Variants in PTPRG observed in about 807,000 individuals in gnomAD.
PTPRG encodes the protein receptor-type tyrosine-protein phosphatase gamma.
In PTPRG, 102 loss-of-function variants were observed where a neutral mutation model predicts 165.3. That is an observed-to-expected ratio of 0.62 (90% CI 0.53 to 0.73). PTPRG has a LOEUF of 0.73. Ranked by LOEUF, PTPRG falls within the 30% of genes least tolerant of loss-of-function variation. PTPRG has a pLI of 0.00. For synonymous variants in PTPRG, 675 were observed against 669.5 expected, an observed-to-expected ratio of 1.01 and a Z score of -0.13; for missense variants, 1,866 against 1,861.4, an observed-to-expected ratio of 1.00 and a Z score of -0.05.
chr3:62,207,184 T>C (rs1329362656), intron 12 of PTPRG, among the ~76,000 whole-genome samples: 3 of 152,206 alleles, frequency 2.0e-5, no homozygotes, highest in Admixed American at 6.5e-5. Flanking sequence ...GCTACTTAAT[T>C]CTGCCTTGTA....
At chr3:62,257,351 A>C in intron 16 of PTPRG, among the ~76,000 whole-genome samples, 1 of 152,324 alleles carries the variant, frequency 6.6e-6, no homozygotes, top group Non-Finnish European at 1.5e-5. Context: ...GGACAGAAAA[A>C]GATTTTGTGT....
intron 2 of PTPRG, among the ~76,000 whole-genome samples, chr3:61,894,838 T>G (rs187415072): frequency 5.9e-5 from 9 of 152,112 alleles, no homozygotes; most frequent in African/African-American, 2.2e-4. Flanking sequence ...TAATCTTGCT[T>G]TTATTTTTTT....
At chr3:61,792,664 TG>T (rs1444305017) in intron 2 of PTPRG, among the ~76,000 whole-genome samples, 1 of 151,180 alleles carries the variant, frequency 6.6e-6, no homozygotes, top group Non-Finnish European at 1.5e-5. Flanking sequence ...AACTTTTTTG[TG>T]GGTTTTCTTT....
intron 4 of PTPRG, among the ~76,000 whole-genome samples, chr3:62,068,497 G>A (rs1701095799): frequency 6.6e-6 from 1 of 152,100 alleles, no homozygotes; most frequent in African/African-American, 2.4e-5. Flanking sequence ...TTTAATTGAA[G>A]CAGAGTCTCA....
At chr3:62,274,550 A>T (rs1467320155) in intron 23 of PTPRG, among the ~76,000 whole-genome samples, 1 of 152,128 alleles carries the variant, frequency 6.6e-6, no homozygotes, top group Non-Finnish European at 1.5e-5. Flanking sequence ...TATTTTGCAC[A>T]TTGTTCTGTA....
chr3:61,936,088 T>C (rs182303190), intron 2 of PTPRG, among the ~76,000 whole-genome samples: 41 of 152,340 alleles, frequency 2.7e-4, no homozygotes, highest in East Asian at 1.9e-4. Context: ...GTTCCTCTTC[T>C]CTGGAGATTG....
intron 1 of PTPRG, among the ~76,000 whole-genome samples, chr3:61,570,558 G>A (rs756195767): frequency 6.6e-6 from 1 of 152,154 alleles, no homozygotes; most frequent in African/African-American, 2.4e-5. Context: ...ATTCATACTA[G>A]TTACAATATA....
intron 4 of PTPRG, among the ~76,000 whole-genome samples, chr3:62,028,498 G>C (rs1384914601): frequency 6.6e-6 from 1 of 152,132 alleles, no homozygotes; most frequent in African/African-American, 2.4e-5. Flanking sequence ...GAATGCTGAG[G>C]TATTACGATT....
intron 1 of PTPRG, among the ~76,000 whole-genome samples, chr3:61,577,812 A>C (rs1700200858): frequency 6.6e-6 from 1 of 152,104 alleles, no homozygotes; most frequent in African/African-American, 2.4e-5. Context: ...TACCCCTTCA[A>C]AATGTAGGGC....
chr3:61,564,879 C>T (rs895916266), intron 1 of PTPRG, among the ~76,000 whole-genome samples: 1 of 152,244 alleles, frequency 6.6e-6, no homozygotes, highest in African/African-American at 2.4e-5. Context: ...CCTGGCGATG[C>T]TGCTCCTGGC....
At chr3:61,624,191 C>G (rs1294086714) in intron 1 of PTPRG, among the ~76,000 whole-genome samples, 1 of 152,094 alleles carries the variant, frequency 6.6e-6, no homozygotes, top group African/African-American at 2.4e-5. Flanking sequence ...ATTTAAATCC[C>G]GACTCTACCA....
At chr3:61,593,136 C>A (rs1417772012) in intron 1 of PTPRG, among the ~76,000 whole-genome samples, 1 of 152,142 alleles carries the variant, frequency 6.6e-6, no homozygotes, top group African/African-American at 2.4e-5. Flanking sequence ...TTAACATATT[C>A]CTATGCACAT....
At chr3:61,565,461 A>T (rs1389753588) in intron 1 of PTPRG, among the ~76,000 whole-genome samples, 1 of 152,108 alleles carries the variant, frequency 6.6e-6, no homozygotes, top group African/African-American at 2.4e-5. Flanking sequence ...CCAACACCTT[A>T]TTATTTTAAA....
intron 2 of PTPRG, among the ~76,000 whole-genome samples, chr3:61,796,909 G>C (rs143814476): frequency 2.8e-4 from 43 of 152,306 alleles, no homozygotes; most frequent in Non-Finnish European, 5.0e-4. Flanking sequence ...CTGAATGCCA[G>C]CTGTTGGCTT....
At chr3:61,794,528 T>A (rs535343087) in intron 2 of PTPRG, among the ~76,000 whole-genome samples, 25 of 152,236 alleles carry the variant, frequency 1.6e-4, no homozygotes, top group Non-Finnish European at 3.1e-4. Context: ...AGATGTTAAC[T>A]GTTTAAATAT....
intron 2 of PTPRG, among the ~76,000 whole-genome samples, chr3:61,982,452 A>G (rs138139317): frequency 6.6e-6 from 1 of 152,262 alleles, no homozygotes; most frequent in African/African-American, 2.4e-5. Context: ...TAAATCCCAG[A>G]TACACCTAAA....
intron 2 of PTPRG, among the ~76,000 whole-genome samples, chr3:61,777,707 A>G (rs996129197): frequency 6.6e-6 from 1 of 152,224 alleles, no homozygotes; most frequent in East Asian, 1.9e-4. Context: ...AGGGTATCAC[A>G]CAGGAGGATT....
At chr3:61,630,201 A>T (rs1294359342) in intron 1 of PTPRG, among the ~76,000 whole-genome samples, 1 of 152,172 alleles carries the variant, frequency 6.6e-6, no homozygotes, top group Non-Finnish European at 1.5e-5. Flanking sequence ...TGCCTCCTAG[A>T]CCATATTCTG....
At chr3:62,259,397 T>TA (rs896563320) in intron 16 of PTPRG, among the ~76,000 whole-genome samples, 26 of 151,610 alleles carry the variant, frequency 1.7e-4, no homozygotes, top group African/African-American at 5.3e-4. Flanking sequence ...GCTGATGAGC[T>TA]AAAAAATTGC....
Sources: allele counts gnomAD v4.1 joint callset (sites outside exome capture counted in the v4.1 genomes callset), GRCh38; gene constraint gnomAD v4.1.1; transcripts MANE v1.5; gene names NCBI Gene and HGNC (gene_info 2026-07-23, HGNC 2026-07-21).